SYMPK: variants seen among roughly 807,000 people sequenced by gnomAD.
The protein encoded by SYMPK is symplekin.
SYMPK carries 49 observed loss-of-function variants against 136.4 expected under a neutral mutation model. The observed-to-expected ratio is 0.36, with a 90% CI of 0.29 to 0.46. SYMPK has a LOEUF of 0.46. Among genes scored for constraint, SYMPK ranks in the 20% least tolerant of loss-of-function variants. The pLI, the probability that SYMPK is intolerant of heterozygous loss-of-function variation, is 1.00. For synonymous variants in SYMPK, 766 were observed against 713.0 expected, an observed-to-expected ratio of 1.07 and a Z score of -1.19; for missense variants, 1,365 against 1,690.0, an observed-to-expected ratio of 0.81 and a Z score of 3.37.
intron 1 of SYMPK, among the ~76,000 whole-genome samples, chr19:45,858,496 T>C (rs1377594095): frequency 1.3e-5 from 2 of 152,126 alleles, no homozygotes; most frequent in African/African-American, 2.4e-5. Context: ...GTCTCTGCAG[T>C]AAGGTCTTCC....
chr19:45,855,495 G>A (rs934497485), intron 1 of SYMPK: 3 of 151,850 alleles, frequency 2.0e-5, no homozygotes, highest in African/African-American at 7.3e-5. Flanking sequence ...CATAATCAAA[G>A]GCCATGGGGC....
chr19:45,823,560 G>A (rs1171743023), intron 19 of SYMPK, 88 bp from the exon 20 acceptor site: 20 of 1,280,204 alleles, frequency 1.6e-5, no homozygotes, highest in Middle Eastern at 1.9e-4. Flanking sequence ...GCAGGCAGGT[G>A]TGCAGGAAGG....
intron 5 of SYMPK, among the ~76,000 whole-genome samples, chr19:45,849,603 C>G (rs1356718706): frequency 6.6e-6 from 1 of 152,228 alleles, no homozygotes; most frequent in Non-Finnish European, 1.5e-5. Context: ...TGCTATACTA[C>G]AGCCTAACAT....
In SYMPK at chr19:45,831,251, A is replaced by C. The variant is rs188019058; in HGVS notation, c.1598+133T>G. The C allele has an allele frequency of 2.1e-4, 128 of 600,934 alleles. 2 individuals are homozygous for C. In the Middle Eastern group the frequency reaches 3.8e-3, roughly 18 times the overall value. 37.2% of individuals were successfully genotyped at this position (600,934 alleles called of 1,614,324 possible). On this transcript the variant is annotated intron_variant, in intron 12 of 26. Coordinates refer to ENST00000245934, the MANE Select transcript of SYMPK (RefSeq NM_004819.3). Reference sequence around the variant, plus strand: ...CTGACTCGGGAGTCAGAGAGAACCTATTCCAGACTTCCTTCTGTCTGCATC... The same window carrying C: ...CTGACTCGGGAGTCAGAGAGAACCTCTTCCAGACTTCCTTCTGTCTGCATC...
chr19:45,847,660 AC>A (rs1971597225), intron 7 of SYMPK, 91 bp downstream of exon 7: 1 of 1,490,012 alleles, frequency 6.7e-7, no homozygotes, highest in African/African-American at 1.4e-5. Context: ...GAAATTTAAA[AC>A]CAAAAAAGAC....
At chr19:45,844,845 T>A (rs961185868) in intron 7 of SYMPK, among the ~76,000 whole-genome samples, 1 of 152,178 alleles carries the variant, frequency 6.6e-6, no homozygotes, top group African/African-American at 2.4e-5. Context: ...TTTCCAGACC[T>A]TTCCTATACA....
intron 1 of SYMPK, among the ~76,000 whole-genome samples, chr19:45,862,268 A>T (rs533368150): frequency 6.6e-6 from 1 of 152,262 alleles, no homozygotes; most frequent in African/African-American, 2.4e-5. Context: ...GCCTTTTGCT[A>T]TGATGAACAG....
At position 45,821,082 on chromosome 19, in the gene SYMPK, T is replaced by C; in HGVS notation, c.2893+302A>G. On this transcript the variant is annotated intron_variant, in intron 22 of 26. Coordinates refer to ENST00000245934, the MANE Select transcript of SYMPK (RefSeq NM_004819.3). This position sits in a 1 kb window ranked among gnomAD's most constrained non-coding sequence, Gnocchi z 4.4. ...TCCTTCTGTTCCTCGGGGCTAGGGG[T>C]GGGGCTACCCAACTGCTTTAGGCCC... 1.6e-6 allele frequency: 1 copy of C among 641,492 alleles called. No homozygotes were observed. The highest frequency in any genetic ancestry group is 2.8e-6 in the Non-Finnish European group (1 of 358,374). The allele number at this position is 641,492 out of a possible 1,614,324, so 39.7% of individuals were successfully genotyped here.
rs1454542158 is a variant in SYMPK, at chr19:45,816,799, T to C, written c.3257A>G (p.Gln1086Arg). The change falls in exon 24 of 27, where the codon CAG (glutamine) becomes CGG (arginine). Residue 1086 changes from glutamine (Q) to arginine (R), a missense_variant and splice_region_variant. By Grantham distance (43) the Gln-to-Arg change is conservative. This residue lies in a region of SYMPK where 341 missense variants were observed against 270.5 expected (regional missense o/e 1.26). Coordinates refer to ENST00000245934, the MANE Select transcript of SYMPK (RefSeq NM_004819.3). ...GTACCTGGTGGGGGGAAGGGGTACC[T>C]GGTGGGGGGTGAAGGAGCGGACATG... Reference protein sequence around the residue: ...LAHVRSFTPHQQAHIPNSIMT... With the variant: ...LAHVRSFTPHRQAHIPNSIMT... 3 of 1,527,594 alleles carry C rather than the reference T, an allele frequency of 2.0e-6. No individual in the cohort carries two copies. 94.6% of individuals were successfully genotyped at this position (1,527,594 alleles called of 1,614,324 possible). A position where few individuals can be genotyped will look rare whatever the true frequency, so the allele number is the denominator to read the frequency against.
intron 1 of SYMPK, 72 bp downstream of exon 1, chr19:45,862,986 C>A: frequency 2.5e-6 from 1 of 398,240 alleles, no homozygotes; most frequent in East Asian, 3.6e-5. Context: ...CGATGCCCTC[C>A]CCGCCCGAGC....
Position 45,815,540 on chromosome 19 carries a change from C to A in SYMPK, c.*20G>T. On this transcript the variant is annotated 3_prime_UTR_variant, in exon 27 of 27. Transcript: ENST00000245934. ...CCAGCCCCGAGTCCCTGTCCCACCCCCTTTCCCCCTCGAGCCCCGTCAGCT... is the reference window on the plus strand; with the variant it reads ...CCAGCCCCGAGTCCCTGTCCCACCCACTTTCCCCCTCGAGCCCCGTCAGCT... 6.5e-7 allele frequency: 1 copy of A among 1,527,168 alleles called. No homozygotes were observed. The highest frequency in any genetic ancestry group is 8.8e-7 in the Non-Finnish European group (1 of 1,139,200). The allele number at this position is 1,527,168 out of a possible 1,614,324, so 94.6% of individuals were successfully genotyped here. A position where few individuals can be genotyped will look rare whatever the true frequency, so the allele number is the denominator to read the frequency against.
chr19:45,854,549 C>CTTGGG, intron 1 of SYMPK, 42 bp from the exon 2 acceptor site: 3 of 1,543,706 alleles, frequency 1.9e-6, no homozygotes, highest in Non-Finnish European at 2.7e-6. Context: ...GCTCAGGGAA[C>CTTGGG]CAGCGGATGG....
chr19:45,842,637 GCCT>G, intron 8 of SYMPK, 148 bp from the exon 9 acceptor site: 1 of 1,087,830 alleles, frequency 9.2e-7, no homozygotes, highest in Admixed American at 2.7e-5. Flanking sequence ...GTGGCTTTCC[GCCT>G]TACAAGCTGA....
chr19:45,817,044 A>C, intron 23 of SYMPK, 70 bp from the exon 24 acceptor site: 1 of 1,478,762 alleles, frequency 6.8e-7, no homozygotes, highest in South Asian at 1.3e-5. Flanking sequence ...ACACTGGGAG[A>C]AAGACCTTGC....
chr19:45,861,766 C>G (rs112790503), intron 1 of SYMPK: 1 of 148,900 alleles, frequency 6.7e-6, no homozygotes, highest in African/African-American at 2.5e-5. Flanking sequence ...CTACACAGGC[C>G]GAGTTTGGTG....
chr19:45,833,312 A>T (rs1045232806), intron 11 of SYMPK, among the ~76,000 whole-genome samples: 1 of 152,142 alleles, frequency 6.6e-6, no homozygotes, highest in African/African-American at 2.4e-5. Flanking sequence ...AAGAATAGGT[A>T]AAACTAGGGC....
In SYMPK at chr19:45,830,047, C is replaced by T. The variant is rs917478507; in HGVS notation, c.1749+7G>A. 1.8e-5 allele frequency: 28 copies of T among 1,539,516 alleles called. No individual in the cohort carries two copies. The East Asian group carries it at 3.9e-4, about 22-fold the overall frequency. On this transcript the variant is annotated splice_region_variant and intron_variant, in intron 13 of 26. Transcript: ENST00000245934. The stretch of plus-strand genomic sequence containing the variant: ...GAAGGATGGGGTGGGGGGTGGCAGG[C>T]GCACACCTGGGCTGCCCCGCTGCAG...
chr19:45,826,410 G>C (rs1301958317), intron 16 of SYMPK, 37 bp from the exon 17 acceptor site: 4 of 1,606,294 alleles, frequency 2.5e-6, no homozygotes, highest in Non-Finnish European at 2.6e-6. Flanking sequence ...GGTCAGGGAA[G>C]AGGTAAGAGG....
At chr19:45,819,002 A>AGT (rs1555792910) in intron 22 of SYMPK, 2 of 137,170 alleles carry the variant, frequency 1.5e-5, no homozygotes, top group East Asian at 4.3e-4. Context: ...GGGGTCTCTA[A>AGT]GGGGGGGGGC....
Sources: gnomAD v4.1 joint callset for allele counts (sites outside exome capture counted in the v4.1 genomes callset) on GRCh38, gnomAD v4.1.1 for gene constraint, gnomAD v4.1.1 regional missense constraint, Gnocchi (gnomAD v3.1) non-coding constraint, MANE v1.5 for transcripts, NCBI Gene and HGNC (gene_info 2026-07-23, HGNC 2026-07-21) for gene names.